Variants in TIAM2 observed in about 807,000 individuals in gnomAD.
TIAM2 encodes the protein rho guanine nucleotide exchange factor TIAM2.
TIAM2 carries 80 observed loss-of-function variants against 152.9 expected under a neutral mutation model. That is an observed-to-expected ratio of 0.52 (90% CI 0.44 to 0.63). The LOEUF (loss-of-function observed/expected upper bound fraction) is 0.63. Ranked by LOEUF, TIAM2 falls within the 30% of genes least tolerant of loss-of-function variation. TIAM2 has a pLI of 0.00. For synonymous variants in TIAM2, 804 were observed against 838.0 expected, an observed-to-expected ratio of 0.96 and a Z score of 0.70; for missense variants, 1,965 against 2,120.1, an observed-to-expected ratio of 0.93 and a Z score of 1.44.
intron 14 of TIAM2, among the ~76,000 whole-genome samples, chr6:155,203,398 AT>A (rs1429655030): frequency 6.6e-6 from 1 of 152,220 alleles, no homozygotes; most frequent in Non-Finnish European, 1.5e-5. Context: ...CATTTATGGA[AT>A]TGCATAGCAT....
At chr6:155,037,452 G>A (rs73571658) in intron 1 of TIAM2, among the ~76,000 whole-genome samples, 1 of 151,926 alleles carries the variant, frequency 6.6e-6, no homozygotes, top group Non-Finnish European at 1.5e-5. Flanking sequence ...TCATCACCTG[G>A]AACTAAATGC....
intron 1 of TIAM2, among the ~76,000 whole-genome samples, chr6:155,020,149 T>C (rs894915570): frequency 1.3e-5 from 2 of 152,172 alleles, no homozygotes; most frequent in African/African-American, 4.8e-5. Context: ...TTCCCGGCTG[T>C]GCAGCCTTGC....
Position 155,242,344 on chromosome 6 carries a change from CTTG to C in TIAM2, c.3348+1641_3348+1643del, listed in dbSNP as rs746689267. Among the ~76,000 whole-genome samples, 19 of 152,304 alleles carry C rather than the reference CTTG, an allele frequency of 1.2e-4. No individual in the cohort carries two copies. In the East Asian group the frequency reaches 2.3e-3, roughly 19 times the overall value. ...TTGTTGCTGACGTTTAACACAGAAT[CTTG>C]TTGTTTTTTAACCTGGATCCCCTGC... On this transcript the variant is annotated intron_variant, in intron 16 of 26. Coordinates refer to ENST00000682666, the MANE Select transcript of TIAM2 (RefSeq NM_012454.4).
At chr6:155,093,585 A>G (rs2114983266) in intron 2 of TIAM2, among the ~76,000 whole-genome samples, 1 of 152,312 alleles carries the variant, frequency 6.6e-6, no homozygotes, top group East Asian at 1.9e-4. Context: ...GTGAAAGGCC[A>G]CTTTGGGTTT....
At chr6:155,250,483 A>G (rs562523068) in intron 21 of TIAM2, 19,288 of 1,432,670 alleles carry the variant, frequency 0.013, 227 homozygotes, top group Non-Finnish European at 0.015. Flanking sequence ...ACAGGAAAGG[A>G]CTGGAGATCA....
rs966285712 is a variant in TIAM2, at chr6:155,213,442, C to T, written c.3168+2135C>T. ...GAGAGGAGACCCTGGAGTAGCTCCT[C>T]TCCTCAGCTGGTTGTCTCATTGTCT... On this transcript the variant is annotated intron_variant, in intron 15 of 26. Transcript: ENST00000682666. This position sits in a 1 kb window ranked among gnomAD's most constrained non-coding sequence, Gnocchi z 4.2. 3.9e-5 allele frequency among the ~76,000 whole-genome samples: 6 copies of T among 152,162 alleles called. No homozygotes were observed. The highest frequency in any genetic ancestry group is 2.6e-4 in the Admixed American group (4 of 15,274).
intron 1 of TIAM2, among the ~76,000 whole-genome samples, chr6:155,023,175 T>G (rs958216353): frequency 1.3e-5 from 2 of 152,140 alleles, no homozygotes; most frequent in African/African-American, 4.8e-5. Context: ...TTGGATTTAC[T>G]TACAGCCACT....
chr6:155,221,662 A>G (rs1048032656), intron 15 of TIAM2, among the ~76,000 whole-genome samples: 3 of 152,146 alleles, frequency 2.0e-5, no homozygotes, highest in African/African-American at 7.2e-5. Flanking sequence ...GAGCTGCTTG[A>G]GGTCTCCCCT....
intron 12 of TIAM2, 39 bp from the exon 13 acceptor site, chr6:155,182,187 G>A: frequency 1.3e-6 from 2 of 1,554,434 alleles, no homozygotes; most frequent in South Asian, 2.2e-5. Context: ...TCAGTGTGGT[G>A]GGCTGAGACT....
At chr6:155,043,687 C>A (rs918373809) in intron 1 of TIAM2, among the ~76,000 whole-genome samples, 17 of 150,130 alleles carry the variant, frequency 1.1e-4, no homozygotes, top group African/African-American at 4.2e-4. Flanking sequence ...CCAGGCCCTG[C>A]AGTGTTTTAG....
chr6:155,176,187 C>T lies in TIAM2; in HGVS notation c.2362-629C>T, dbSNP rs563416819. On this transcript the variant is annotated intron_variant, in intron 9 of 26. Coordinates refer to ENST00000682666, the MANE Select transcript of TIAM2 (RefSeq NM_012454.4). ...CAGTGGCCCTTCTCAACCATGATCC[C>T]AGAGCAGTAAGCGTGGATACTCAGC... is the stretch of plus-strand genomic sequence containing the variant. 1.3e-3 allele frequency among the ~76,000 whole-genome samples: 200 copies of T among 152,198 alleles called. 2 individuals carry two copies. Among genetic ancestry groups the T allele is most frequent in the African/African-American group, 4.4e-3 (182 of 41,534 alleles).
intron 11 of TIAM2, 76 bp from the exon 12 acceptor site, chr6:155,179,301 GA>G: frequency 6.6e-7 from 1 of 1,519,464 alleles, no homozygotes; most frequent in Non-Finnish European, 9.1e-7. Flanking sequence ...CTTGTTTTAT[GA>G]AAAATAGTGT....
At chr6:155,043,633 CAAAAAAAAAA>C (rs60093259) in intron 1 of TIAM2, among the ~76,000 whole-genome samples, 5 of 50,258 alleles carry the variant, frequency 9.9e-5, no homozygotes, top group South Asian at 1.9e-3. Flanking sequence ...GACCCTGTCT[CAAAAAAAAAA>C]AAAAAAAAAA....
intron 1 of TIAM2, among the ~76,000 whole-genome samples, chr6:155,070,578 C>T (rs1463998764): frequency 1.3e-5 from 2 of 152,076 alleles, no homozygotes; most frequent in African/African-American, 2.4e-5. Flanking sequence ...TAATCCTATA[C>T]CATGTAGTCA....
At chr6:155,126,540 T>C (rs555991926) in intron 2 of TIAM2, among the ~76,000 whole-genome samples, 8 of 152,150 alleles carry the variant, frequency 5.3e-5, no homozygotes, top group Non-Finnish European at 4.4e-5. Flanking sequence ...GAGAACAGTC[T>C]GACCAACATG....
At chr6:154,998,579 C>A (rs1045018407) in intron 1 of TIAM2, among the ~76,000 whole-genome samples, 2 of 152,066 alleles carry the variant, frequency 1.3e-5, no homozygotes, top group African/African-American at 2.4e-5. Context: ...AAGCTACAAT[C>A]AATATGTGAA....
At chr6:154,998,679 C>A (rs1347519885) in intron 1 of TIAM2, among the ~76,000 whole-genome samples, 2 of 152,152 alleles carry the variant, frequency 1.3e-5, no homozygotes, top group African/African-American at 4.8e-5. Context: ...ATCTTGGAAT[C>A]TCTAGAATTC....
intron 2 of TIAM2, among the ~76,000 whole-genome samples, chr6:155,092,183 T>C (rs1292028042): frequency 1.1e-5 from 1 of 94,004 alleles, no homozygotes; most frequent in Non-Finnish European, 2.2e-5. Flanking sequence ...ACAGGCGTAA[T>C]CCCACCCAGG....
At chr6:155,190,440 T>C (rs1781169612) in intron 14 of TIAM2, among the ~76,000 whole-genome samples, 1 of 152,200 alleles carries the variant, frequency 6.6e-6, no homozygotes, top group Non-Finnish European at 1.5e-5. Flanking sequence ...CGGTCCCCTT[T>C]AGGGGTGAGG....
Sources: allele counts gnomAD v4.1 joint callset (sites outside exome capture counted in the v4.1 genomes callset), GRCh38; gene constraint gnomAD v4.1.1; non-coding constraint Gnocchi (gnomAD v3.1); transcripts MANE v1.5; gene names NCBI Gene and HGNC (gene_info 2026-07-23, HGNC 2026-07-21).